GALNT7: variants seen among roughly 807,000 people sequenced by gnomAD.
GALNT7 encodes the protein N-acetylgalactosaminyltransferase 7.
A neutral mutation model predicts 82.1 loss-of-function variants in GALNT7; 60 were observed. The observed-to-expected ratio is 0.73, with a 90% CI of 0.59 to 0.91. The LOEUF is 0.91. GALNT7 is among the 40% of genes least tolerant of loss of function. The probability of loss-of-function intolerance (pLI) is 0.00; values close to 1 mark genes in which losing one functional copy is unlikely to be tolerated. For missense variants in GALNT7, 660 were observed against 804.2 expected, an observed-to-expected ratio of 0.82 and a Z score of 2.17; for synonymous variants, 243 against 275.1, an observed-to-expected ratio of 0.88 and a Z score of 1.15.
Position 173,242,135 on chromosome 4 carries a change from T to C in GALNT7, c.127-5845T>C, listed in dbSNP as rs563343857. 2.6e-5 allele frequency among the ~76,000 whole-genome samples: 4 copies of C among 152,320 alleles called. No individual in the cohort carries two copies. The East Asian group carries it at 5.8e-4, about 22-fold the overall frequency. The stretch of plus-strand genomic sequence containing the variant: ...CTTGATTTCTTTTAGTGGAGCATTA[T>C]GATGTCAACTCTACTATTTTCTCTA... On this transcript the variant is annotated intron_variant, in intron 1 of 11. Transcript: ENST00000265000.
In GALNT7 at chr4:173,248,139, G is replaced by A. The variant is rs1734721718; in HGVS notation, c.286G>A (p.Glu96Lys). 1.9e-6 allele frequency: 3 copies of A among 1,613,790 alleles called. No individual in the cohort carries two copies. The highest frequency in any genetic ancestry group is 2.5e-6 in the Non-Finnish European group (3 of 1,179,886). The change falls in exon 2 of 12, where the codon GAG becomes AAG. Residue 96 changes from glutamate (E) to lysine (K), a missense_variant. Around this residue, in one of 2 missense-constraint regions of GALNT7, gnomAD observed 133 missense variants for 120.7 expected, o/e 1.10. Transcript: ENST00000265000. ...RRINKAKNEQ[E>K]HHAGGDSQKD... Reference sequence around the variant, plus strand: ...AATAAACAAGGCCAAAAATGAACAAGAGCACCATGCTGGAGGAGATTCCCA... The same window carrying A: ...AATAAACAAGGCCAAAAATGAACAAAAGCACCATGCTGGAGGAGATTCCCA...
At position 173,302,085 on chromosome 4, in the gene GALNT7, G is replaced by A. The variant is rs1284519816; in HGVS notation, c.1187G>A (p.Arg396Gln). The change falls in exon 7 of 12, where the codon CGA becomes CAA. Residue 396 changes from arginine (R) to glutamine (Q), a missense_variant. By Grantham distance (43) the Arg-to-Gln change is conservative. Transcript: ENST00000265000. This position sits in a 1 kb window ranked among gnomAD's most constrained non-coding sequence, Gnocchi z 4.2. ...AMAGGLFAIE[R>Q]EFFFELGLYD... ...GCTGGGGGATTATTTGCCATTGAACGAGAGTTCTTCTTTGAATTGGGTCTC... is the reference window on the plus strand; with the variant it reads ...GCTGGGGGATTATTTGCCATTGAACAAGAGTTCTTCTTTGAATTGGGTCTC... The A allele has an allele frequency of 4.7e-5, 75 of 1,601,108 alleles. No homozygotes were observed. Among genetic ancestry groups the A allele is most frequent in the Non-Finnish European group, 6.4e-5 (75 of 1,168,446 alleles).
rs78131802 is a variant in GALNT7, at chr4:173,259,677, G to T, written c.587+11237G>T. Among the ~76,000 whole-genome samples the T allele has an allele frequency of 8.7e-3, 1,322 of 151,980 alleles. 19 individuals carry two copies. Among genetic ancestry groups the T allele is most frequent in the African/African-American group, 0.03 (1,258 of 41,450 alleles). ...TTGAGAGAGAGCGTCTCCCTCTGTC[G>T]CCCAGGCTGGAATGCAGTGGCACGA... On this transcript the variant is annotated intron_variant, in intron 2 of 11. Transcript: ENST00000265000.
At chr4:173,205,726 T>A (rs1733068926) in intron 1 of GALNT7, among the ~76,000 whole-genome samples, 1 of 152,066 alleles carries the variant, frequency 6.6e-6, no homozygotes, top group South Asian at 2.1e-4. Flanking sequence ...TGTAGGGCAA[T>A]CTGGCCCTGG....
At chr4:173,180,606 G>A (rs1404335799) in intron 1 of GALNT7, among the ~76,000 whole-genome samples, 2 of 152,196 alleles carry the variant, frequency 1.3e-5, no homozygotes, top group African/African-American at 4.8e-5. Flanking sequence ...GGGATTACAG[G>A]CGTGAGCCAC....
chr4:173,172,509 T>C (rs1731909986), intron 1 of GALNT7, among the ~76,000 whole-genome samples: 1 of 152,182 alleles, frequency 6.6e-6, no homozygotes, highest in Non-Finnish European at 1.5e-5. Flanking sequence ...AGACTGCCTT[T>C]CCATGGTGTT....
chr4:173,304,241 C>T, intron 8 of GALNT7, 123 bp downstream of exon 8: 1 of 705,758 alleles, frequency 1.4e-6, no homozygotes, highest in South Asian at 2.0e-5. Context: ...TGATTCTCAC[C>T]TTTAACTTAG....
chr4:173,293,376 C>T (rs576483497), intron 3 of GALNT7, among the ~76,000 whole-genome samples: 23 of 152,054 alleles, frequency 1.5e-4, no homozygotes, highest in African/African-American at 4.1e-4. Flanking sequence ...TTTGGGCTAC[C>T]CTTGAATGAA....
At chr4:173,265,421 A>G (rs1561180565) in intron 2 of GALNT7, among the ~76,000 whole-genome samples, 1 of 152,064 alleles carries the variant, frequency 6.6e-6, no homozygotes, top group South Asian at 2.1e-4. Context: ...TAGAAAACTT[A>G]TTTTTTGTTC....
In GALNT7 at chr4:173,248,474, G is replaced by T. The variant is rs200649843; in HGVS notation, c.587+34G>T. 5.4e-4 allele frequency: 719 copies of T among 1,332,898 alleles called. 3 individuals are homozygous for T. The African/African-American group carries it at 9.4e-3, about 17-fold the overall frequency. The allele number at this position is 1,332,898 out of a possible 1,614,324, so 82.6% of individuals were successfully genotyped here. On this transcript the variant is annotated intron_variant, in intron 2 of 11. Transcript: ENST00000265000. ...ACATCCTCTTCTTTCTAAAAATGGG[G>T]CAACTGTTGTTTTCATAGGTTTTTA...
intron 1 of GALNT7, among the ~76,000 whole-genome samples, chr4:173,178,486 A>C (rs1732145376): frequency 6.6e-6 from 1 of 152,198 alleles, no homozygotes. Flanking sequence ...GGGAAGAGCT[A>C]ACTTTCAGTT....
chr4:173,308,307 C>G (rs1358320484), intron 8 of GALNT7, among the ~76,000 whole-genome samples: 1 of 152,094 alleles, frequency 6.6e-6, no homozygotes, highest in Non-Finnish European at 1.5e-5. Context: ...GATTAAGATT[C>G]CTATATTGAA....
At chr4:173,279,983 GA>G (rs903813179) in intron 2 of GALNT7, among the ~76,000 whole-genome samples, 28 of 146,260 alleles carry the variant, frequency 1.9e-4, no homozygotes, top group East Asian at 7.9e-4. Context: ...CAATAAAAAG[GA>G]AAAAAAAAAG....
intron 1 of GALNT7, among the ~76,000 whole-genome samples, chr4:173,208,401 T>A (rs1733166285): frequency 6.6e-6 from 1 of 152,218 alleles, no homozygotes; most frequent in Admixed American, 6.5e-5. Flanking sequence ...TTTTAAAAAT[T>A]CTGGTTATTT....
intron 1 of GALNT7, among the ~76,000 whole-genome samples, chr4:173,170,225 G>A (rs1465488987): frequency 1.3e-5 from 2 of 152,218 alleles, no homozygotes; most frequent in Non-Finnish European, 2.9e-5. Context: ...GAGGGTATGA[G>A]GGGCTCACGA....
At chr4:173,189,993 A>AT (rs1732574420) in intron 1 of GALNT7, among the ~76,000 whole-genome samples, 2 of 151,004 alleles carry the variant, frequency 1.3e-5, no homozygotes, top group Admixed American at 6.6e-5. Context: ...CCAAAATGTT[A>AT]GTTTTTTTTT....
intron 2 of GALNT7, among the ~76,000 whole-genome samples, chr4:173,288,537 A>T (rs548658069): frequency 6.6e-6 from 1 of 152,196 alleles, no homozygotes; most frequent in South Asian, 2.1e-4. Flanking sequence ...CTCTGACTCC[A>T]TCTATCCAGG....
At chr4:173,183,043 AACACACACAC>A (rs35043722) in intron 1 of GALNT7, among the ~76,000 whole-genome samples, 3,514 of 125,036 alleles carry the variant, frequency 0.028, 60 homozygotes, top group South Asian at 0.055. Flanking sequence ...CACACACATA[AACACACACAC>A]ACACACACAC....
intron 5 of GALNT7, chr4:173,297,716 A>G (rs547929405): frequency 4.9e-6 from 3 of 615,768 alleles, no homozygotes; most frequent in Non-Finnish European, 7.5e-6. Flanking sequence ...AATCAACAAC[A>G]AAAAGAGATA....
Sources: allele counts gnomAD v4.1 joint callset (sites outside exome capture counted in the v4.1 genomes callset), GRCh38; gene constraint gnomAD v4.1.1; regional missense constraint gnomAD v4.1.1; non-coding constraint Gnocchi (gnomAD v3.1); transcripts MANE v1.5; gene names NCBI Gene and HGNC (gene_info 2026-07-23, HGNC 2026-07-21).